INPP4B: variants seen among roughly 807,000 people sequenced by gnomAD.
The protein encoded by INPP4B is inositol polyphosphate-4-phosphatase type II B, also known as inositol polyphosphate 4-phosphatase type II.
INPP4B carries 55 observed loss-of-function variants against 122.5 expected under a neutral mutation model. The ratio of observed to expected loss-of-function variants is 0.45; its 90% CI spans 0.36 to 0.56. INPP4B has a LOEUF of 0.56. Ranked by LOEUF, INPP4B falls within the 20% of genes least tolerant of loss-of-function variation. INPP4B has a pLI of 0.00. For missense variants in INPP4B, 1,000 were observed against 1,097.7 expected, an observed-to-expected ratio of 0.91 and a Z score of 1.26; for synonymous variants, 403 against 388.7, an observed-to-expected ratio of 1.04 and a Z score of -0.43.
At chr4:142,425,759 T>G (rs751941017) in intron 5 of INPP4B, among the ~76,000 whole-genome samples, 10 of 152,052 alleles carry the variant, frequency 6.6e-5, no homozygotes, top group Non-Finnish European at 1.5e-4. Flanking sequence ...TCTGTCTACA[T>G]AGAACTTAAC....
At chr4:142,735,627 G>A (rs1024537244) in intron 1 of INPP4B, among the ~76,000 whole-genome samples, 5 of 152,222 alleles carry the variant, frequency 3.3e-5, no homozygotes, top group South Asian at 4.1e-4. Flanking sequence ...CACAAACCCC[G>A]ATCCTTTGAC....
At chr4:142,086,065 G>A in intron 24 of INPP4B, 79 bp downstream of exon 24, 2 of 939,378 alleles carry the variant, frequency 2.1e-6, no homozygotes, top group South Asian at 2.7e-5. Context: ...GCAGAGGTTG[G>A]ACCCTGCACA....
intron 2 of INPP4B, among the ~76,000 whole-genome samples, chr4:142,635,057 GAC>G (rs2150443581): frequency 6.6e-6 from 1 of 152,158 alleles, no homozygotes; most frequent in Non-Finnish European, 1.5e-5. Context: ...GACATGAACA[GAC>G]AGTTGTCAAA....
At chr4:142,775,549 C>G (rs576301668) in intron 1 of INPP4B, among the ~76,000 whole-genome samples, 1 of 123,586 alleles carries the variant, frequency 8.1e-6, no homozygotes, top group African/African-American at 3.0e-5. Flanking sequence ...CTCTTCCCTT[C>G]CTTTTAATGG....
At chr4:142,527,315 A>G (rs1827052392) in intron 2 of INPP4B, among the ~76,000 whole-genome samples, 1 of 151,948 alleles carries the variant, frequency 6.6e-6, no homozygotes, top group South Asian at 2.1e-4. Flanking sequence ...GAACCTTTTT[A>G]TAGAATTTAT....
intron 2 of INPP4B, among the ~76,000 whole-genome samples, chr4:142,489,582 C>T (rs1311358866): frequency 2.6e-5 from 4 of 151,868 alleles, no homozygotes; most frequent in South Asian, 2.1e-4. Flanking sequence ...TTAGTAGAGA[C>T]GAGGTTTCAC....
At chr4:142,830,863 A>C (rs1449737612) in intron 1 of INPP4B, among the ~76,000 whole-genome samples, 1 of 151,468 alleles carries the variant, frequency 6.6e-6, no homozygotes, top group Non-Finnish European at 1.5e-5. Context: ...AAAAAAAAAA[A>C]AAAAAAAAAT....
intron 1 of INPP4B, among the ~76,000 whole-genome samples, chr4:142,730,884 G>A (rs1161864521): frequency 1.3e-5 from 2 of 152,192 alleles, no homozygotes; most frequent in African/African-American, 4.8e-5. Context: ...GTTGACTTAT[G>A]TGGCATAATA....
chr4:142,079,616 G>A (rs529620511), intron 25 of INPP4B, among the ~76,000 whole-genome samples: 6 of 152,090 alleles, frequency 3.9e-5, no homozygotes, highest in African/African-American at 1.4e-4. Context: ...AAATTTCTAA[G>A]GTGACTTCTT....
chr4:142,568,053 G>C (rs1732013930), intron 2 of INPP4B, among the ~76,000 whole-genome samples: 1 of 152,112 alleles, frequency 6.6e-6, no homozygotes, highest in Admixed American at 6.5e-5. Flanking sequence ...AACTGGGAGA[G>C]ACTGTGAGCT....
intron 1 of INPP4B, among the ~76,000 whole-genome samples, chr4:142,774,944 C>T (rs1416224727): frequency 2.0e-5 from 3 of 152,038 alleles, no homozygotes; most frequent in Non-Finnish European, 4.4e-5. Context: ...CTAGCTATTT[C>T]ATTAGGCTCC....
At chr4:142,442,429 A>AAG (rs1554055576) in intron 3 of INPP4B, among the ~76,000 whole-genome samples, 11 of 150,808 alleles carry the variant, frequency 7.3e-5, no homozygotes, top group Admixed American at 2.6e-4. Flanking sequence ...AAAAAAAAAA[A>AAG]AGAGAGAGAA....
chr4:142,776,478 A>G (rs1773937917), intron 1 of INPP4B, among the ~76,000 whole-genome samples: 1 of 152,120 alleles, frequency 6.6e-6, no homozygotes, highest in African/African-American at 2.4e-5. Context: ...ATTCCAGAGA[A>G]GCTAATGAAG....
At chr4:142,644,951 T>G (rs2150504283) in intron 2 of INPP4B, among the ~76,000 whole-genome samples, 1 of 150,786 alleles carries the variant, frequency 6.6e-6, no homozygotes, top group African/African-American at 2.4e-5. Context: ...CTCAAACATC[T>G]TAGCTTTATG....
intron 14 of INPP4B, among the ~76,000 whole-genome samples, chr4:142,201,703 G>GA (rs550336921): frequency 4.7e-5 from 7 of 148,936 alleles, no homozygotes; most frequent in Non-Finnish European, 1.0e-4. Flanking sequence ...AAATGTACAA[G>GA]AAAAAAAAAT....
intron 23 of INPP4B, among the ~76,000 whole-genome samples, chr4:142,102,298 G>A (rs537910281): frequency 1.3e-3 from 195 of 151,984 alleles, no homozygotes; most frequent in Non-Finnish European, 2.0e-3. Context: ...CTAAATGTTA[G>A]TTTACTTAAA....
chr4:142,271,083 C>A (rs1286436817), intron 9 of INPP4B, among the ~76,000 whole-genome samples: 2 of 151,978 alleles, frequency 1.3e-5, no homozygotes, highest in Non-Finnish European at 2.9e-5. Context: ...TCTGCCTCAG[C>A]CTCCCGAGTA....
intron 2 of INPP4B, among the ~76,000 whole-genome samples, chr4:142,630,397 G>T (rs1462281793): frequency 6.6e-6 from 1 of 151,842 alleles, no homozygotes; most frequent in Non-Finnish European, 1.5e-5. Context: ...AAATTTTCAG[G>T]AACTTTATTT....
intron 23 of INPP4B, among the ~76,000 whole-genome samples, chr4:142,087,193 G>A (rs1319040722): frequency 6.6e-6 from 1 of 152,144 alleles, no homozygotes; most frequent in East Asian, 1.9e-4. Flanking sequence ...GACACTGCCA[G>A]TGTCTCCTGA....
Sources: allele counts gnomAD v4.1 joint callset (sites outside exome capture counted in the v4.1 genomes callset), GRCh38; gene constraint gnomAD v4.1.1; transcripts MANE v1.5; gene names NCBI Gene and HGNC (gene_info 2026-07-23, HGNC 2026-07-21).